Variants in RAB11FIP4 observed in about 807,000 individuals in gnomAD.
The protein encoded by RAB11FIP4 is rab11 family-interacting protein 4.
In RAB11FIP4, 23 loss-of-function variants were observed where a neutral mutation model predicts 74.3. The observed-to-expected ratio is 0.31, with a 90% confidence interval of 0.22 to 0.44. The LOEUF (loss-of-function observed/expected upper bound fraction) is 0.44, where lower values mean the gene tolerates loss of function less well. RAB11FIP4 is among the 20% of genes least tolerant of loss of function. RAB11FIP4 has a pLI of 1.00. For synonymous variants in RAB11FIP4, 360 were observed against 359.9 expected (o/e 1.00, Z 0.00); for missense variants, 630 against 863.9 (o/e 0.73, Z 3.39).
At chr17:31,393,044 C>A (rs967422553) in intron 1 of RAB11FIP4, among the ~76,000 whole-genome samples, 1 of 152,240 alleles carries the variant, frequency 6.6e-6, no homozygotes. Context: ...CCAGGTTGGG[C>A]CCGTGCCTCT....
At chr17:31,501,592 G>A (rs138956215) in intron 3 of RAB11FIP4, among the ~76,000 whole-genome samples, 3 of 152,010 alleles carry the variant, frequency 2.0e-5, no homozygotes, top group Admixed American at 6.5e-5. Flanking sequence ...GCAGTGGCGC[G>A]ATCTCGGCTC....
chr17:31,476,961 G>A (rs1469157539), intron 3 of RAB11FIP4, among the ~76,000 whole-genome samples: 2 of 152,242 alleles, frequency 1.3e-5, no homozygotes, highest in African/African-American at 4.8e-5. Flanking sequence ...GTCTGCTGTG[G>A]CCTCCTGTTT....
intron 1 of RAB11FIP4, among the ~76,000 whole-genome samples, chr17:31,419,231 A>G (rs1197441293): frequency 6.6e-6 from 1 of 150,782 alleles, no homozygotes; most frequent in Non-Finnish European, 1.5e-5. Flanking sequence ...CATTTCTCTA[A>G]GATAAGGAAG....
intron 3 of RAB11FIP4, chr17:31,465,872 T>G (rs1181497762): frequency 1.3e-5 from 2 of 151,626 alleles, no homozygotes; most frequent in Non-Finnish European, 2.9e-5. Context: ...CGGTGGCTCA[T>G]GCCTGTAATC....
At chr17:31,407,082 C>T (rs1027289307) in intron 1 of RAB11FIP4, among the ~76,000 whole-genome samples, 3 of 112,746 alleles carry the variant, frequency 2.7e-5, no homozygotes, top group Admixed American at 1.4e-4. Flanking sequence ...GACAAGGCTT[C>T]GCTCAGTCAC....
intron 1 of RAB11FIP4, among the ~76,000 whole-genome samples, chr17:31,425,410 A>G (rs1476651411): frequency 6.6e-6 from 1 of 152,190 alleles, no homozygotes; most frequent in Non-Finnish European, 1.5e-5. Flanking sequence ...AGAAAGGCAA[A>G]TGGCTTGCTT....
intron 1 of RAB11FIP4, among the ~76,000 whole-genome samples, chr17:31,403,123 G>A (rs2071009935): frequency 1.2e-5 from 1 of 81,996 alleles, no homozygotes; most frequent in South Asian, 4.5e-4. Flanking sequence ...TGACCCACAT[G>A]GGTACTGCGC....
At position 31,531,758 on chromosome 17, in the gene RAB11FIP4, C is replaced by T. The variant is rs2072875749; in HGVS notation, c.*26C>T. On this transcript the variant is annotated 3_prime_UTR_variant, in exon 15 of 15. Coordinates refer to ENST00000621161, the MANE Select transcript of RAB11FIP4 (RefSeq NM_032932.6). ...GGCACGGGGCTGGCTGCAGAGCAGC[C>T]TTAGGACCCTGGGACCAAGGGCAGA... 10 of 1,519,060 alleles carry T rather than the reference C, an allele frequency of 6.6e-6. No homozygotes were observed. The highest frequency in any genetic ancestry group is 9.1e-6 in the Non-Finnish European group (10 of 1,094,312). 94.1% of individuals were successfully genotyped at this position (1,519,060 alleles called of 1,614,324 possible).
intron 1 of RAB11FIP4, among the ~76,000 whole-genome samples, chr17:31,429,104 G>A (rs1208349068): frequency 6.6e-6 from 1 of 152,112 alleles, no homozygotes; most frequent in Non-Finnish European, 1.5e-5. Flanking sequence ...GGAGAGGATT[G>A]TAGGTGTGAG....
chr17:31,411,506 G>A lies in RAB11FIP4; in HGVS notation c.159+19495G>A, dbSNP rs189129248. 2.0e-3 allele frequency among the ~76,000 whole-genome samples: 312 copies of A among 152,310 alleles called. 1 individual carries two copies. Among genetic ancestry groups the A allele is most frequent in the Admixed American group, 8.0e-3 (122 of 15,312 alleles). On this transcript the variant is annotated intron_variant, in intron 1 of 14. Coordinates refer to ENST00000621161, the MANE Select transcript of RAB11FIP4 (RefSeq NM_032932.6). ...GCCAGTAACTTCCCTCCAAGGGCTC[G>A]CATGAGGATAAACCAGGGGAAGGGT...
In RAB11FIP4 at chr17:31,530,340, G is replaced by A. The variant is rs1427514092; in HGVS notation, c.1668G>A (p.Leu556=). 6.2e-7 allele frequency: 1 copy of A among 1,614,036 alleles called. No homozygotes were observed. Among genetic ancestry groups the A allele is most frequent in the African/African-American group, 1.3e-5 (1 of 74,912 alleles). ...TCTCTCTGTAGGAGAATTATAAGCT[G>A]CGGGATCAGAACGACGACTTGAATG... ...VKRLKQENYK[L]RDQNDDLNGQ... is the part of the protein sequence containing the mutation. Residue 556 remains leucine (L), a synonymous_variant, in exon 14 of 15, where the codon CTG becomes CTA. Transcript: ENST00000621161.
intron 3 of RAB11FIP4, among the ~76,000 whole-genome samples, chr17:31,515,870 T>TTAA (rs1213202319): frequency 1.3e-5 from 2 of 152,214 alleles, no homozygotes; most frequent in African/African-American, 4.8e-5. Flanking sequence ...GAAGCTCTTC[T>TTAA]ATCTGATGAT....
intron 3 of RAB11FIP4, among the ~76,000 whole-genome samples, chr17:31,506,332 A>G (rs1265461378): frequency 2.0e-5 from 3 of 152,238 alleles, no homozygotes; most frequent in Non-Finnish European, 4.4e-5. Context: ...GTATTGTGGA[A>G]TGATCAAATC....
rs183093409 is a variant in RAB11FIP4 at position 31,436,434 on chromosome 17, G to A, written c.336+2312G>A. On this transcript the variant is annotated intron_variant, in intron 3 of 14. Coordinates refer to ENST00000621161, the MANE Select transcript of RAB11FIP4 (RefSeq NM_032932.6). The stretch of plus-strand genomic sequence containing the variant: ...GGGCAGAGTGGAGCCGAGGCCTGGG[G>A]AGAGGGGGTGGGAGTTGGGGTAGGG... 5.9e-5 allele frequency among the ~76,000 whole-genome samples: 9 copies of A among 151,986 alleles called. No individual in the cohort carries two copies. The East Asian group carries it at 1.8e-3, about 30-fold the overall frequency.
intron 3 of RAB11FIP4, among the ~76,000 whole-genome samples, chr17:31,455,878 T>C (rs2071574444): frequency 6.6e-6 from 1 of 152,210 alleles, no homozygotes; most frequent in Admixed American, 6.5e-5. Context: ...CTTTGCCACC[T>C]TCAGGGCTGA....
At chr17:31,397,301 T>C (rs1186453990) in intron 1 of RAB11FIP4, among the ~76,000 whole-genome samples, 3 of 152,088 alleles carry the variant, frequency 2.0e-5, no homozygotes, top group Non-Finnish European at 4.4e-5. Context: ...GGGAGCAGGA[T>C]TGGAGGCAGG....
chr17:31,500,026 G>A (rs1311996616), intron 3 of RAB11FIP4, among the ~76,000 whole-genome samples: 3 of 152,110 alleles, frequency 2.0e-5, no homozygotes, highest in Non-Finnish European at 4.4e-5. Flanking sequence ...AATCAAGGCC[G>A]TTGGCTCTGT....
intron 3 of RAB11FIP4, among the ~76,000 whole-genome samples, chr17:31,445,530 TTTTATATATA>T (rs1479484795): frequency 8.2e-4 from 30 of 36,764 alleles, no homozygotes; most frequent in African/African-American, 3.1e-3. Flanking sequence ...ATTTTCCCAA[TTTTATATATA>T]TATATATATA....
intron 1 of RAB11FIP4, among the ~76,000 whole-genome samples, chr17:31,416,929 A>C (rs2071153607): frequency 6.6e-6 from 1 of 152,044 alleles, no homozygotes; most frequent in Non-Finnish European, 1.5e-5. Context: ...TTCAGGATAA[A>C]GCACATACAG....
Sources: gnomAD v4.1 joint callset for allele counts (sites outside exome capture counted in the v4.1 genomes callset) on GRCh38, gnomAD v4.1.1 for gene constraint, MANE v1.5 for transcripts, NCBI Gene and HGNC (gene_info 2026-07-23, HGNC 2026-07-21) for gene names.